GPC6: variants seen among roughly 807,000 people sequenced by gnomAD.
GPC6 encodes the protein glypican-6.
In GPC6, 14 loss-of-function variants were observed where a neutral mutation model predicts 55.2. The ratio of observed to expected loss-of-function variants is 0.25; its 90% CI spans 0.17 to 0.40. GPC6 has a LOEUF of 0.40. Ranked by LOEUF, GPC6 falls within the 10% of genes least tolerant of loss-of-function variation. GPC6 has a pLI of 1.00. For synonymous variants in GPC6, 278 were observed against 259.6 expected (o/e 1.07, Z -0.68); for missense variants, 641 against 708.5 (o/e 0.90, Z 1.08).
chr13:94,065,385 C>G (rs1008710308), intron 4 of GPC6, among the ~76,000 whole-genome samples: 5 of 152,164 alleles, frequency 3.3e-5, no homozygotes, highest in African/African-American at 1.2e-4. Flanking sequence ...AATCCATAGG[C>G]ATGGTTAACT....
chr13:93,933,897 A>C (rs1044148186), intron 3 of GPC6, among the ~76,000 whole-genome samples: 1 of 152,136 alleles, frequency 6.6e-6, no homozygotes, highest in East Asian at 1.9e-4. Context: ...CCTTCCATGG[A>C]GTCTGTCTTC....
At chr13:94,056,163 C>T (rs1322215347) in intron 4 of GPC6, among the ~76,000 whole-genome samples, 2 of 152,122 alleles carry the variant, frequency 1.3e-5, no homozygotes, top group Admixed American at 6.5e-5. Flanking sequence ...TTCTTCTTTC[C>T]CACAGCCATT....
At chr13:93,879,736 C>T (rs1874837301) in intron 3 of GPC6, among the ~76,000 whole-genome samples, 1 of 152,036 alleles carries the variant, frequency 6.6e-6, no homozygotes. Flanking sequence ...AACTAAAGAG[C>T]TTCTGCACAG....
At position 93,227,441 on chromosome 13, in the gene GPC6, A is replaced by C; in HGVS notation, c.-16A>C. ...CCGGCCGTGGGGTTTACCGAGCTGGATTTGTATGTTGCACCATGCCTTCTT... is the reference window on the plus strand; with the variant it reads ...CCGGCCGTGGGGTTTACCGAGCTGGCTTTGTATGTTGCACCATGCCTTCTT... On this transcript the variant is annotated 5_prime_UTR_variant, in exon 1 of 9. Transcript: ENST00000377047. The surrounding 1 kb of genome is among the most constrained non-coding windows in gnomAD (Gnocchi z 4.3). 1 of 1,613,134 alleles carries C rather than the reference A, an allele frequency of 6.2e-7. No homozygotes were observed. Among genetic ancestry groups the C allele is most frequent in the Non-Finnish European group, 8.5e-7 (1 of 1,179,390 alleles).
intron 1 of GPC6, among the ~76,000 whole-genome samples, chr13:93,325,542 G>A (rs1021686066): frequency 2.0e-5 from 3 of 152,042 alleles, no homozygotes; most frequent in African/African-American, 7.2e-5. Flanking sequence ...ATTCTAAGGT[G>A]CTGCAGTTTG....
chr13:94,206,908 G>A (rs544078830), intron 4 of GPC6, among the ~76,000 whole-genome samples: 3 of 152,064 alleles, frequency 2.0e-5, no homozygotes, highest in East Asian at 1.9e-4. Flanking sequence ...TTTGCCTTTC[G>A]TATGCAAACC....
intron 4 of GPC6, among the ~76,000 whole-genome samples, chr13:94,285,349 T>G (rs1892499993): frequency 6.6e-6 from 1 of 152,122 alleles, no homozygotes; most frequent in Admixed American, 6.5e-5. Context: ...GAGATGAGTT[T>G]GAAGGCTTCA....
At chr13:94,382,083 G>A (rs534365689) in intron 6 of GPC6, among the ~76,000 whole-genome samples, 5 of 152,318 alleles carry the variant, frequency 3.3e-5, no homozygotes, top group Admixed American at 3.3e-4. Context: ...TATACTTGGG[G>A]TGTTCACAAT....
chr13:93,783,999 A>T (rs1057462142), intron 2 of GPC6, among the ~76,000 whole-genome samples: 3 of 152,208 alleles, frequency 2.0e-5, no homozygotes, highest in Non-Finnish European at 2.9e-5. Context: ...AATGTTATAA[A>T]TGTTTCAGGG....
At chr13:93,265,104 C>T (rs532877994) in intron 1 of GPC6, among the ~76,000 whole-genome samples, 1 of 152,218 alleles carries the variant, frequency 6.6e-6, no homozygotes, top group South Asian at 2.1e-4. Flanking sequence ...TGCTTAAATG[C>T]TGATGCATTT....
chr13:93,523,810 C>T (rs549296255), intron 1 of GPC6, among the ~76,000 whole-genome samples: 3 of 151,972 alleles, frequency 2.0e-5, no homozygotes, highest in South Asian at 2.1e-4. Flanking sequence ...GCTTTTCTCT[C>T]ATTTTGAATA....
intron 4 of GPC6, among the ~76,000 whole-genome samples, chr13:94,035,739 G>T (rs947337811): frequency 6.6e-6 from 1 of 152,024 alleles, no homozygotes; most frequent in Admixed American, 6.6e-5. Flanking sequence ...AATCATGAAA[G>T]TGTTAAATGA....
chr13:93,745,886 G>A (rs1402278329), intron 2 of GPC6, among the ~76,000 whole-genome samples: 2 of 152,188 alleles, frequency 1.3e-5, no homozygotes, highest in African/African-American at 4.8e-5. Context: ...GCCAGTAATG[G>A]CCATCACATG....
intron 2 of GPC6, among the ~76,000 whole-genome samples, chr13:93,632,269 G>C (rs908905445): frequency 6.6e-6 from 1 of 152,114 alleles, no homozygotes; most frequent in African/African-American, 2.4e-5. Flanking sequence ...CAGTGGGTAT[G>C]TGAGAGTTGC....
chr13:93,662,128 A>G (rs1434496807), intron 2 of GPC6, among the ~76,000 whole-genome samples: 1 of 152,114 alleles, frequency 6.6e-6, no homozygotes, highest in African/African-American at 2.4e-5. Flanking sequence ...TTTTGGCCCC[A>G]GGCTTGTGCT....
chr13:94,224,256 AATATATATAT>A lies in GPC6; in HGVS notation c.878-62074_878-62065del, dbSNP rs59631105. On this transcript the variant is annotated intron_variant, in intron 4 of 8. Transcript: ENST00000377047. The stretch of plus-strand genomic sequence containing the variant: ...TCTTTATTTTTGTATATCATCTTTA[AATATATATAT>A]ATATATATATATATATATCAAATAT... Among the ~76,000 whole-genome samples the A allele has an allele frequency of 1.2e-3, 179 of 143,948 alleles. 1 individual carries two copies. The highest frequency in any genetic ancestry group is 2.2e-3 in the African/African-American group (87 of 39,618). 94.4% of individuals were successfully genotyped at this position (143,948 alleles called of 152,430 possible). A position where few individuals can be genotyped will look rare whatever the true frequency, so the allele number is the denominator to read the frequency against.
At chr13:93,428,501 T>C in intron 1 of GPC6, among the ~76,000 whole-genome samples, 1 of 152,192 alleles carries the variant, frequency 6.6e-6, no homozygotes, top group East Asian at 1.9e-4. Flanking sequence ...TTGAAAATGT[T>C]CACTGCCTGA....
At chr13:94,034,883 G>A (rs1244263924) in intron 4 of GPC6, among the ~76,000 whole-genome samples, 1 of 150,864 alleles carries the variant, frequency 6.6e-6, no homozygotes, top group African/African-American at 2.4e-5. Flanking sequence ...AATATTTCAT[G>A]TATAATAGGA....
intron 2 of GPC6, among the ~76,000 whole-genome samples, chr13:93,821,559 A>G (rs1887047505): frequency 6.6e-6 from 1 of 152,204 alleles, no homozygotes; most frequent in Admixed American, 6.5e-5. Context: ...AATTTAGGAC[A>G]TTGGGATTTT....
Sources: allele counts gnomAD v4.1 joint callset (sites outside exome capture counted in the v4.1 genomes callset), GRCh38; gene constraint gnomAD v4.1.1; non-coding constraint Gnocchi (gnomAD v3.1); transcripts MANE v1.5; gene names NCBI Gene and HGNC (gene_info 2026-07-23, HGNC 2026-07-21).